ZYX: variants seen among roughly 807,000 people sequenced by gnomAD.
ZYX encodes zyxin, also known as zyxin-2.
Under a neutral mutation model 58.1 loss-of-function variants are expected in ZYX, and 37 were observed. The observed-to-expected ratio is 0.64, with a 90% CI of 0.49 to 0.84. The LOEUF is 0.84. ZYX is among the 40% of genes least tolerant of loss of function. The pLI, the probability that ZYX is intolerant of heterozygous loss-of-function variation, is 0.00. For missense variants in ZYX, 762 were observed against 761.6 expected, an observed-to-expected ratio of 1.00 and a Z score of -0.01; for synonymous variants, 324 against 321.1, an observed-to-expected ratio of 1.01 and a Z score of -0.10.
chr7:143,390,632 G>A lies in ZYX; in HGVS notation c.1669G>A (p.Asp557Asn), dbSNP rs952111937. Reference sequence around the variant, plus strand: ...AGATGACAATGGCTGCTTCCCCCTGGACGGTCACGTGCTCTGTCGGAAGTG... The same window carrying A: ...AGATGACAATGGCTGCTTCCCCCTGAACGGTCACGTGCTCTGTCGGAAGTG... ...EADDNGCFPLDGHVLCRKCHT... is the reference protein window; with the variant it reads ...EADDNGCFPLNGHVLCRKCHT... The change falls in exon 10 of 10, where the codon GAC (aspartate) becomes AAC (asparagine). Residue 557 changes from aspartate to asparagine, a missense_variant. Physicochemically the swap from Asp to Asn is conservative, Grantham distance 23 (BLOSUM62 1). Transcript: ENST00000322764. This position sits in a 1 kb window ranked among gnomAD's most constrained non-coding sequence, Gnocchi z 4.3. The A allele has an allele frequency of 1.1e-5, 17 of 1,587,848 alleles. No individual in the cohort carries two copies. The Admixed American group carries it at 1.6e-4, about 15-fold the overall frequency.
chr7:143,390,328 G>A lies in ZYX; in HGVS notation c.1615-250G>A, dbSNP rs1254123283. ...AGCCAACCTCTATTTTATTAGGGTG[G>A]TGGTGGGCAGGGGAGCAAGCACCTT... On this transcript the variant is annotated intron_variant, in intron 9 of 9. Coordinates refer to ENST00000322764, the MANE Select transcript of ZYX (RefSeq NM_003461.5). This position sits in a 1 kb window ranked among gnomAD's most constrained non-coding sequence, Gnocchi z 4.3. 4 of 567,760 alleles carry A rather than the reference G, an allele frequency of 7.0e-6. No individual in the cohort carries two copies. The highest frequency in any genetic ancestry group is 1.3e-5 in the Non-Finnish European group (4 of 316,666). The allele number at this position is 567,760 out of a possible 1,614,324, so 35.2% of individuals were successfully genotyped here.
chr7:143,389,811 G>C lies in ZYX; in HGVS notation c.1494-46G>C, dbSNP rs761092426. The stretch of plus-strand genomic sequence containing the variant: ...CTGGCTTATGCGTGCGCACACCGGG[G>C]ATGAAAGCCCTGGCTAACTCGGCTG... On this transcript the variant is annotated intron_variant, in intron 8 of 9. Coordinates refer to ENST00000322764, the MANE Select transcript of ZYX (RefSeq NM_003461.5). This position sits in a 1 kb window ranked among gnomAD's most constrained non-coding sequence, Gnocchi z 5.6. 6.2e-7 allele frequency: 1 copy of C among 1,609,046 alleles called. No homozygotes were observed. The highest frequency in any genetic ancestry group is 1.7e-5 in the Admixed American group (1 of 59,880).
Position 143,384,227 on chromosome 7 carries a change from G to A in ZYX, c.1023+905G>A. 2.1e-6 allele frequency: 1 copy of A among 471,784 alleles called. No homozygotes were observed. The highest frequency in any genetic ancestry group is 4.4e-6 in the Non-Finnish European group (1 of 227,194). The allele number at this position is 471,784 out of a possible 1,614,324, so 29.2% of individuals were successfully genotyped here. A position where few individuals can be genotyped will look rare whatever the true frequency, so the allele number is the denominator to read the frequency against. ...GCATAGGAAGAAATGCCAAGGGCCA[G>A]TGAGCTTTGCAGAATCCTGTGAGTC... On this transcript the variant is annotated intron_variant, in intron 5 of 9. Transcript: ENST00000322764. The surrounding 1 kb of genome is among the most constrained non-coding windows in gnomAD (Gnocchi z 4.9).
chr7:143,385,660 CTTTTTTTTTTTTT>C (rs59995035), intron 5 of ZYX, among the ~76,000 whole-genome samples: 16 of 68,968 alleles, frequency 2.3e-4, no homozygotes, highest in African/African-American at 4.0e-4. Flanking sequence ...TGTGGTATAT[CTTTTTTTTTTTTT>C]TTTTTTTTTT....
Position 143,388,920 on chromosome 7 carries a change from C to A in ZYX, c.1468C>A (p.Pro490Thr), listed in dbSNP as rs776605369. 6.2e-7 allele frequency: 1 copy of A among 1,611,880 alleles called. No individual in the cohort carries two copies. The highest frequency in any genetic ancestry group is 1.3e-5 in the African/African-American group (1 of 75,004). The change falls in exon 8 of 10, where the codon CCC becomes ACC. Residue 490 changes from proline (P) to threonine (T), a missense_variant. By Grantham distance (38) the Pro-to-Thr change is conservative. Transcript: ENST00000322764. The surrounding 1 kb of genome is among the most constrained non-coding windows in gnomAD (Gnocchi z 7.5). ...CTTCATCGTGGACCAGGCCAACCGGCCCCACTGTGTCCCCGACTACCACAA... is the reference window on the plus strand; with the variant it reads ...CTTCATCGTGGACCAGGCCAACCGGACCCACTGTGTCCCCGACTACCACAA... ...TSFIVDQANR[P>T]HCVPDYHKQY...
rs774624715 is a variant in ZYX, at chr7:143,388,577, C to T, written c.1233C>T (p.Thr411=). Reference sequence around the variant, plus strand: ...AGCTGTTCCACATCGCCTGCTTCACCTGCCACCAGTGTGCGCAGCAGCTCC... The same window carrying T: ...AGCTGTTCCACATCGCCTGCTTCACTTGCCACCAGTGTGCGCAGCAGCTCC... ...LGQLFHIACF[T]CHQCAQQLQG... is the part of the protein sequence containing the mutation. The change falls in exon 7 of 10, where the codon ACC becomes ACT. Residue 411 remains threonine (T), a synonymous_variant. Transcript: ENST00000322764. The surrounding 1 kb of genome is among the most constrained non-coding windows in gnomAD (Gnocchi z 7.5). 3 of 1,612,588 alleles carry T rather than the reference C, an allele frequency of 1.9e-6. No homozygotes were observed. Among genetic ancestry groups the T allele is most frequent in the South Asian group, 2.2e-5 (2 of 91,090 alleles).
intron 1 of ZYX, 39 bp from the exon 2 acceptor site, chr7:143,381,518 G>C (rs999102347): frequency 1.9e-6 from 3 of 1,567,518 alleles, no homozygotes; most frequent in Non-Finnish European, 2.6e-6. Flanking sequence ...GGGCTCCTGA[G>C]CCCGGCTCCG....
chr7:143,382,764 C>T, intron 4 of ZYX, 37 bp from the exon 5 acceptor site: 2 of 1,611,704 alleles, frequency 1.2e-6, no homozygotes, highest in Non-Finnish European at 1.7e-6. Flanking sequence ...TGGTGTCCTC[C>T]TGACTGCATC....
chr7:143,384,186 C>T lies in ZYX; in HGVS notation c.1023+864C>T. 1 of 471,674 alleles carries T rather than the reference C, an allele frequency of 2.1e-6. No individual in the cohort carries two copies. Among genetic ancestry groups the T allele is most frequent in the South Asian group, 1.5e-5 (1 of 64,566 alleles). 29.2% of individuals were successfully genotyped at this position (471,674 alleles called of 1,614,324 possible). ...AGTCCACTGATAGTGTTGATGTCTA[C>T]CTACACTCGGACACAGCATAGGAAG... On this transcript the variant is annotated intron_variant, in intron 5 of 9. Transcript: ENST00000322764. This position sits in a 1 kb window ranked among gnomAD's most constrained non-coding sequence, Gnocchi z 4.9.
Position 143,383,280 on chromosome 7 carries a change from G to A in ZYX, c.981G>A (p.Glu327=), listed in dbSNP as rs1804721010. ...AQQREKPRVQ[E]KQHPVPPPAQ... ...AGAGGGAGAAGCCCCGAGTGCAGGA[G>A]AAGCAGCACCCCGTGCCCCCACCGG... Residue 327 remains glutamate, a synonymous_variant, in exon 5 of 10, where the codon GAG becomes GAA. Coordinates refer to ENST00000322764, the MANE Select transcript of ZYX (RefSeq NM_003461.5). 1 of 1,613,054 alleles carries A rather than the reference G, an allele frequency of 6.2e-7. No individual in the cohort carries two copies.
chr7:143,385,491 CAT>C lies in ZYX; in HGVS notation c.1023+2170_1023+2171del, dbSNP rs1013494413. Among the ~76,000 whole-genome samples the C allele has an allele frequency of 4.0e-5, 6 of 150,510 alleles. No individual in the cohort carries two copies. The East Asian group carries it at 7.8e-4, about 20-fold the overall frequency. On this transcript the variant is annotated intron_variant, in intron 5 of 9. Transcript: ENST00000322764. ...GTGTGAAAGTATGTGTATATGAGTA[CAT>C]GTGTGCATGTGTGAGTGAAGGTGTG...
rs1586572436 is a variant in ZYX at position 143,389,485 on chromosome 7, C to T, written c.1494-372C>T. On this transcript the variant is annotated intron_variant, in intron 8 of 9. Coordinates refer to ENST00000322764, the MANE Select transcript of ZYX (RefSeq NM_003461.5). This position sits in a 1 kb window ranked among gnomAD's most constrained non-coding sequence, Gnocchi z 5.6. ...TGCCAGACAGTCAGGGCAGAGGCAA[C>T]GTGCATGGGGGTGGGAGGATTGGGG... Among the ~76,000 whole-genome samples the T allele has an allele frequency of 1.3e-5, 2 of 152,078 alleles. No individual in the cohort carries two copies. Among genetic ancestry groups the T allele is most frequent in the East Asian group, 1.9e-4 (1 of 5,166 alleles).
rs763880527 is a variant in ZYX at position 143,381,658 on chromosome 7, G to A, written c.87G>A (p.Val29=). ...CCCCGCAGAAGAAGTTCGGCCCTGT[G>A]GTGGCCCCAAAGCCCAAAGTGAATC... ...FYAPQKKFGP[V]VAPKPKVNPF... The change falls in exon 2 of 10, where the codon GTG becomes GTA. Residue 29 remains valine (V), a synonymous_variant. Transcript: ENST00000322764. 2 of 1,612,092 alleles carry A rather than the reference G, an allele frequency of 1.2e-6. No individual in the cohort carries two copies. Among genetic ancestry groups the A allele is most frequent in the Admixed American group, 1.7e-5 (1 of 59,972 alleles).
intron 5 of ZYX, among the ~76,000 whole-genome samples, chr7:143,385,657 TATC>T (rs1804832268): frequency 1.5e-5 from 2 of 137,884 alleles, no homozygotes; most frequent in Non-Finnish European, 3.0e-5. Context: ...TGGTGTGGTA[TATC>T]TTTTTTTTTT....
intron 5 of ZYX, among the ~76,000 whole-genome samples, chr7:143,385,660 CTTTTTTTTTTTTTTT>C (rs59995035): frequency 3.5e-4 from 24 of 68,970 alleles, no homozygotes; most frequent in South Asian, 1.4e-3. Context: ...TGTGGTATAT[CTTTTTTTTTTTTTTT>C]TTTTTTTTTT....
At position 143,381,576 on chromosome 7, in the gene ZYX, C is replaced by T; in HGVS notation, c.5C>T (p.Ala2Val). The T allele has an allele frequency of 6.2e-7, 1 of 1,609,614 alleles. No individual in the cohort carries two copies. Among genetic ancestry groups the T allele is most frequent in the South Asian group, 1.1e-5 (1 of 90,850 alleles). Residue 2 changes from alanine (A) to valine (V), a missense_variant, in exon 2 of 10, where the codon GCG becomes GTG. Transcript: ENST00000322764. ...CCCCAGCAGCCCGGCCCGGCCATGGCGGCCCCCCGCCCGTCTCCCGCGATC... is the reference window on the plus strand; with the variant it reads ...CCCCAGCAGCCCGGCCCGGCCATGGTGGCCCCCCGCCCGTCTCCCGCGATC... Reference protein sequence around the residue: MAAPRPSPAISV... With the variant: MVAPRPSPAISV...
chr7:143,390,972 G>A lies in ZYX; in HGVS notation c.*290G>A, dbSNP rs567072733. 9 of 426,228 alleles carry A rather than the reference G, an allele frequency of 2.1e-5. No individual in the cohort carries two copies. Among genetic ancestry groups the A allele is most frequent in the East Asian group, 9.1e-5 (2 of 21,936 alleles). 26.4% of individuals were successfully genotyped at this position (426,228 alleles called of 1,614,324 possible). ...TGCTGCTGCTTTCACTGCTGCACCC[G>A]CGCCCTCGGCCGGCCCCCCGAGCAG... On this transcript the variant is annotated 3_prime_UTR_variant, in exon 10 of 10. Transcript: ENST00000322764. The surrounding 1 kb of genome is among the most constrained non-coding windows in gnomAD (Gnocchi z 4.3).
Position 143,388,460 on chromosome 7 carries a change from T to C in ZYX, c.1145-29T>C, listed in dbSNP as rs1486661190. ...TCGCAGCTCTACATACTTCCTTCTA[T>C]TTACTGCTGTCTTCTCTGGCCTTCC... On this transcript the variant is annotated intron_variant, in intron 6 of 9. Coordinates refer to ENST00000322764, the MANE Select transcript of ZYX (RefSeq NM_003461.5). This position sits in a 1 kb window ranked among gnomAD's most constrained non-coding sequence, Gnocchi z 7.5. 1 of 1,607,594 alleles carries C rather than the reference T, an allele frequency of 6.2e-7. No homozygotes were observed. The highest frequency in any genetic ancestry group is 1.7e-5 in the Admixed American group (1 of 59,840).
Position 143,382,111 on chromosome 7 carries a change from C to T in ZYX, c.209-137C>T, listed in dbSNP as rs1804629202. On this transcript the variant is annotated intron_variant, in intron 2 of 9. Coordinates refer to ENST00000322764, the MANE Select transcript of ZYX (RefSeq NM_003461.5). ...GACCTGGTACTCCCAGGGCGCCCTG[C>T]GCCCCTCCTTTGCTTCCCCACACGC... 9 of 745,868 alleles carry T rather than the reference C, an allele frequency of 1.2e-5. No homozygotes were observed. In the South Asian group the frequency reaches 1.7e-4, roughly 14 times the overall value. 46.2% of individuals were successfully genotyped at this position (745,868 alleles called of 1,614,324 possible).
Sources: allele counts gnomAD v4.1 joint callset (sites outside exome capture counted in the v4.1 genomes callset), GRCh38; gene constraint gnomAD v4.1.1; non-coding constraint Gnocchi (gnomAD v3.1); transcripts MANE v1.5; gene names NCBI Gene and HGNC (gene_info 2026-07-23, HGNC 2026-07-21).